Variants in KAZN observed in about 807,000 individuals in gnomAD.
KAZN encodes the protein kazrin, periplakin interacting protein.
KAZN carries 40 observed loss-of-function variants against 87.4 expected under a neutral mutation model. That is an observed-to-expected ratio of 0.46 (90% CI 0.36 to 0.60). The LOEUF is 0.60. Ranked by LOEUF, KAZN falls within the 20% of genes least tolerant of loss-of-function variation. The pLI is 0.00. For missense variants in KAZN, 898 were observed against 1,073.9 expected, an observed-to-expected ratio of 0.84 and a Z score of 2.29; for synonymous variants, 466 against 458.3, an observed-to-expected ratio of 1.02 and a Z score of -0.22.
At position 14,996,196 on chromosome 1, in the gene KAZN, C is replaced by G. The variant is rs956295957; in HGVS notation, c.418+35321C>G. Among the ~76,000 whole-genome samples, 2 of 152,284 alleles carry G rather than the reference C, an allele frequency of 1.3e-5. No homozygotes were observed. The highest frequency in any genetic ancestry group is 2.4e-5 in the African/African-American group (1 of 41,554). ...CTTGGCTCTTCATGCCCCGCCCACTCCACCCCCAGTGCCTGGCATCTTGAA... is the reference window on the plus strand; with the variant it reads ...CTTGGCTCTTCATGCCCCGCCCACTGCACCCCCAGTGCCTGGCATCTTGAA... On this transcript the variant is annotated intron_variant, in intron 2 of 14. Transcript: ENST00000376030. The surrounding 1 kb of genome is among the most constrained non-coding windows in gnomAD (Gnocchi z 5.9).
chr1:14,377,580 G>A (rs146081635), intron 2 of KAZN, among the ~76,000 whole-genome samples: 52 of 152,342 alleles, frequency 3.4e-4, no homozygotes, highest in African/African-American at 1.2e-3. Context: ...TAGAGCTGCT[G>A]TTGCAGCTGA....
chr1:14,952,540 C>G (rs1050960794), intron 1 of KAZN, among the ~76,000 whole-genome samples: 1 of 151,994 alleles, frequency 6.6e-6, no homozygotes, highest in East Asian at 1.9e-4. Context: ...ATGCTCAGCT[C>G]TTTAGTGTAC....
At chr1:14,819,104 C>T (rs968281071) in intron 1 of KAZN, among the ~76,000 whole-genome samples, 4 of 152,202 alleles carry the variant, frequency 2.6e-5, no homozygotes, top group African/African-American at 9.6e-5. Flanking sequence ...AGAAAGTCGA[C>T]ATGTTTTCTG....
chr1:14,269,792 C>T (rs1015454897), intron 2 of KAZN, among the ~76,000 whole-genome samples: 1 of 152,122 alleles, frequency 6.6e-6, no homozygotes, highest in Non-Finnish European at 1.5e-5. Context: ...GGTGAGGCTG[C>T]TGTGGGGCAT....
chr1:15,071,619 A>G (rs538727411), intron 8 of KAZN, among the ~76,000 whole-genome samples: 1 of 152,338 alleles, frequency 6.6e-6, no homozygotes, highest in South Asian at 2.1e-4. Flanking sequence ...TGGCTGGAAA[A>G]TATGCAAATA....
intron 1 of KAZN, among the ~76,000 whole-genome samples, chr1:14,616,513 A>C (rs1438359763): frequency 2.6e-5 from 4 of 152,084 alleles, no homozygotes; most frequent in Non-Finnish European, 5.9e-5. Flanking sequence ...AAATTAAAAC[A>C]CTATAATTTT....
intron 2 of KAZN, among the ~76,000 whole-genome samples, chr1:14,482,097 C>T (rs538830284): frequency 1.2e-4 from 18 of 152,144 alleles, no homozygotes; most frequent in Non-Finnish European, 2.2e-4. Flanking sequence ...GAGCATGCAG[C>T]GGTGAGCTGC....
intron 2 of KAZN, among the ~76,000 whole-genome samples, chr1:14,365,363 CGGGGTGGG>C (rs1404172951): frequency 0.045 from 4,077 of 90,248 alleles, 135 homozygotes; most frequent in South Asian, 0.09. Flanking sequence ...CCCCTCCCCC[CGGGGTGGG>C]GGGGGGGGGG....
intron 1 of KAZN, among the ~76,000 whole-genome samples, chr1:14,854,309 T>C (rs1217102809): frequency 6.6e-6 from 1 of 152,248 alleles, no homozygotes; most frequent in African/African-American, 2.4e-5. Context: ...TATGGAGGAC[T>C]CTTACACATA....
At chr1:14,699,563 G>A (rs1323347028) in intron 1 of KAZN, among the ~76,000 whole-genome samples, 1 of 152,178 alleles carries the variant, frequency 6.6e-6, no homozygotes, top group Non-Finnish European at 1.5e-5. Flanking sequence ...AGAGTTATAG[G>A]CTGTAGAAGT....
At chr1:15,038,842 C>A (rs894419297) in intron 3 of KAZN, among the ~76,000 whole-genome samples, 2 of 95,610 alleles carry the variant, frequency 2.1e-5, no homozygotes, top group African/African-American at 9.6e-5. Flanking sequence ...CATGAATGTG[C>A]TATTACCAAC....
intron 1 of KAZN, among the ~76,000 whole-genome samples, chr1:14,767,643 G>A (rs1469951192): frequency 4.6e-5 from 7 of 152,162 alleles, no homozygotes; most frequent in Admixed American, 2.6e-4. Flanking sequence ...GAGTTTCTTC[G>A]AGCAGCCAGA....
intron 2 of KAZN, among the ~76,000 whole-genome samples, chr1:14,572,748 C>A (rs562052232): frequency 2.0e-5 from 3 of 152,284 alleles, no homozygotes; most frequent in African/African-American, 4.8e-5. Flanking sequence ...AGCGGCCCCC[C>A]ACTCCCCTGG....
In KAZN at chr1:14,280,095, G is replaced by T. The variant is rs112404503; in HGVS notation, c.249+99503G>T. ...GATGAGGTTGCGGCCGGGCGCGGTGGCTCACACCTGTAATCCCAGCGCTTC... is the reference window on the plus strand; with the variant it reads ...GATGAGGTTGCGGCCGGGCGCGGTGTCTCACACCTGTAATCCCAGCGCTTC... On this transcript the variant is annotated intron_variant, in intron 2 of 16. Coordinates refer to the KAZN transcript ENST00000636203. 2.4e-3 allele frequency among the ~76,000 whole-genome samples: 363 copies of T among 152,206 alleles called. 4 individuals carry two copies. The highest frequency in any genetic ancestry group is 8.4e-3 in the African/African-American group (348 of 41,540).
intron 2 of KAZN, among the ~76,000 whole-genome samples, chr1:15,019,017 A>G (rs899772011): frequency 6.6e-6 from 1 of 152,248 alleles, no homozygotes; most frequent in African/African-American, 2.4e-5. Context: ...GAGGCTGAGC[A>G]GGACCTGAAT....
At chr1:14,299,461 C>A (rs1654372268) in intron 2 of KAZN, among the ~76,000 whole-genome samples, 1 of 152,112 alleles carries the variant, frequency 6.6e-6, no homozygotes, top group Non-Finnish European at 1.5e-5. Flanking sequence ...CGAGATCACA[C>A]CACTGCACTC....
At chr1:14,324,992 T>TTTTC (rs1656307154) in intron 2 of KAZN, among the ~76,000 whole-genome samples, 1 of 152,182 alleles carries the variant, frequency 6.6e-6, no homozygotes, top group Non-Finnish European at 1.5e-5. Context: ...AGGCAGCCAT[T>TTTTC]ATTCGGTCTT....
intron 2 of KAZN, among the ~76,000 whole-genome samples, chr1:14,399,996 GGAAT>G (rs1216979884): frequency 2.0e-5 from 3 of 151,946 alleles, no homozygotes; most frequent in African/African-American, 7.3e-5. Flanking sequence ...AAAAAAAGAA[GGAAT>G]GATTTCACAG....
intron 1 of KAZN, among the ~76,000 whole-genome samples, chr1:13,977,898 C>A (rs1432331140): frequency 6.6e-6 from 1 of 152,086 alleles, no homozygotes. Context: ...GAGGCCGAGG[C>A]GGGTGTATCA....
Sources: allele counts gnomAD v4.1 joint callset (sites outside exome capture counted in the v4.1 genomes callset), GRCh38; gene constraint gnomAD v4.1.1; non-coding constraint Gnocchi (gnomAD v3.1); transcripts MANE v1.5; gene names NCBI Gene and HGNC (gene_info 2026-07-23, HGNC 2026-07-21).